Variants in MTMR8 observed in about 807,000 individuals in gnomAD.
MTMR8 encodes the protein myotubularin related protein 8.
In MTMR8, 65 loss-of-function variants were observed where a neutral mutation model predicts 39.3. The observed-to-expected ratio is 1.65, with a 90% CI of 1.35 to 2.03. The LOEUF is 2.03. MTMR8 is among the 30% of genes most tolerant of loss of function. The probability of loss-of-function intolerance (pLI) is 0.00; values close to 1 mark genes in which losing one functional copy is unlikely to be tolerated. For missense variants in MTMR8, 777 were observed against 538.9 expected (o/e 1.44, Z -4.37); for synonymous variants, 245 against 185.2 (o/e 1.32, Z -2.62).
chrX:64,286,401 C>T (rs1222102737), intron 12 of MTMR8, among the ~76,000 whole-genome samples: 1 of 112,077 alleles, frequency 8.9e-6, no homozygotes, highest in Non-Finnish European at 1.9e-5. Context: ...GAGCTGGTAC[C>T]ATTCCTTCTG....
At chrX:64,363,545 T>C (rs1923856096) in intron 1 of MTMR8, among the ~76,000 whole-genome samples, 1 of 112,333 alleles carries the variant, frequency 8.9e-6, no homozygotes, top group South Asian at 3.7e-4. Context: ...GATGCCTGTG[T>C]TATGGTTTCT....
chrX:64,389,684 A>G (rs928939214), intron 1 of MTMR8, among the ~76,000 whole-genome samples: 1 of 111,577 alleles, frequency 9.0e-6, no homozygotes, highest in African/African-American at 3.3e-5. Context: ...ACCTCCCATG[A>G]CTAATGTATA....
At chrX:64,354,626 T>C (rs768567624) in intron 4 of MTMR8, 151 bp downstream of exon 4, 35 of 524,725 alleles carry the variant, frequency 6.7e-5, no homozygotes, top group Admixed American at 3.1e-4. Context: ...GCACTGTAGG[T>C]ACTCAATAAA....
chrX:64,394,534 G>T (rs1206604871), intron 1 of MTMR8, among the ~76,000 whole-genome samples: 2 of 111,695 alleles, frequency 1.8e-5, no homozygotes, highest in Admixed American at 1.9e-4. Flanking sequence ...AATAACCACA[G>T]ACTAGTTGTG....
chrX:64,385,566 A>G (rs951331307), intron 1 of MTMR8, among the ~76,000 whole-genome samples: 10 of 112,010 alleles, frequency 8.9e-5, no homozygotes, highest in African/African-American at 3.2e-4. Flanking sequence ...AAGGCTTTAA[A>G]GGAAGAATGG....
intron 5 of MTMR8, among the ~76,000 whole-genome samples, chrX:64,349,074 C>T (rs1326666007): frequency 2.7e-5 from 3 of 111,411 alleles, no homozygotes; most frequent in Admixed American, 9.6e-5. Flanking sequence ...ATTCTATTCT[C>T]GATATATAAT....
chrX:64,355,600 T>G lies in MTMR8; in HGVS notation c.310+576A>C, dbSNP rs373621047. 1.7e-4 allele frequency among the ~76,000 whole-genome samples: 19 copies of G among 108,812 alleles called. No individual in the cohort carries two copies. The South Asian group carries it at 7.4e-3, about 42-fold the overall frequency. The allele number at this position is 108,812 out of a possible 115,157, so 94.5% of individuals were successfully genotyped here. A position where few individuals can be genotyped will look rare whatever the true frequency, so the allele number is the denominator to read the frequency against. On this transcript the variant is annotated intron_variant, in intron 3 of 13. Coordinates refer to ENST00000374852, the MANE Select transcript of MTMR8 (RefSeq NM_017677.4). ...TTACTCTGAGGGAAAAGGGGAAAAA[T>G]GGGAGAGAAAATGTAAGAGCATGAT...
chrX:64,268,893 T>A lies in MTMR8; in HGVS notation c.1759A>T (p.Thr587Ser), dbSNP rs968678202. The A allele has an allele frequency of 1.7e-6, 2 of 1,209,596 alleles. No homozygotes were observed. ...CGGAGGCCTCCTTCCCTGGATAGGG[T>A]GCCATTCTCCATCAGGGTATTCAGG... ...GDLNTLMENG[T>S]LSREGGLRAQ... Residue 587 changes from threonine to serine, a missense_variant, in exon 14 of 14, where the codon ACC becomes TCC. Physicochemically the swap from Thr to Ser is moderately conservative, Grantham distance 58. Coordinates refer to ENST00000374852, the MANE Select transcript of MTMR8 (RefSeq NM_017677.4).
chrX:64,348,801 G>C lies in MTMR8; in HGVS notation c.598-7C>G. ...TACAGCGGCAAATGGCAGCCTGTAA[G>C]GAAAAGGTGTGTCAGTTGAGTGATT... On this transcript the variant is annotated splice_region_variant and splice_polypyrimidine_tract_variant and intron_variant, in intron 5 of 13. Coordinates refer to ENST00000374852, the MANE Select transcript of MTMR8 (RefSeq NM_017677.4). The C allele has an allele frequency of 1.7e-6, 2 of 1,209,661 alleles. No homozygotes were observed. The highest frequency in any genetic ancestry group is 2.2e-6 in the Non-Finnish European group (2 of 894,143).
intron 1 of MTMR8, among the ~76,000 whole-genome samples, chrX:64,380,655 A>G (rs1279391166): frequency 2.7e-5 from 3 of 112,291 alleles, no homozygotes; most frequent in Non-Finnish European, 5.6e-5. Flanking sequence ...CAGGTTAGTT[A>G]CATATGTATA....
At chrX:64,319,836 G>A (rs1002336155) in intron 12 of MTMR8, among the ~76,000 whole-genome samples, 11 of 111,212 alleles carry the variant, frequency 9.9e-5, no homozygotes, top group African/African-American at 1.3e-4. Flanking sequence ...GTCAGGTAGC[G>A]TGATGCCTCC....
At chrX:64,320,352 G>A (rs1043353194) in intron 12 of MTMR8, among the ~76,000 whole-genome samples, 3 of 110,500 alleles carry the variant, frequency 2.7e-5, no homozygotes, top group African/African-American at 3.3e-5. Context: ...GCTTAGTGGC[G>A]GCCTTGGAGA....
chrX:64,360,610 A>G (rs1923754091), intron 1 of MTMR8, among the ~76,000 whole-genome samples: 1 of 111,457 alleles, frequency 9.0e-6, no homozygotes, highest in African/African-American at 3.2e-5. Context: ...TCCAACCACA[A>G]TGCAATAGCA....
intron 12 of MTMR8, among the ~76,000 whole-genome samples, chrX:64,298,246 CTT>C (rs1315162016): frequency 1.9e-5 from 2 of 104,370 alleles, no homozygotes; most frequent in Admixed American, 1.0e-4. Flanking sequence ...TTTGTATCCT[CTT>C]TTATTTCCTT....
chrX:64,337,900 G>A (rs1017322847), intron 8 of MTMR8, among the ~76,000 whole-genome samples: 4 of 111,608 alleles, frequency 3.6e-5, no homozygotes, highest in Admixed American at 1.9e-4. Flanking sequence ...AAAGATCTGG[G>A]CAGTTATTTA....
chrX:64,386,430 G>A (rs1924560103), intron 1 of MTMR8, among the ~76,000 whole-genome samples: 1 of 111,481 alleles, frequency 9.0e-6, no homozygotes, highest in South Asian at 3.8e-4. Context: ...AAAGCCAGAG[G>A]GACCAGTGTA....
intron 4 of MTMR8, among the ~76,000 whole-genome samples, chrX:64,352,537 T>A (rs1923512141): frequency 9.0e-6 from 1 of 111,566 alleles, no homozygotes; most frequent in Non-Finnish European, 1.9e-5. Flanking sequence ...ATCAAATACT[T>A]GATATCTGTT....
At chrX:64,309,071 C>T (rs1287913389) in intron 12 of MTMR8, among the ~76,000 whole-genome samples, 1 of 111,887 alleles carries the variant, frequency 8.9e-6, no homozygotes, top group East Asian at 2.8e-4. Flanking sequence ...TATTCTGATT[C>T]AATATTGTGT....
At chrX:64,364,080 G>A (rs1263263244) in intron 1 of MTMR8, among the ~76,000 whole-genome samples, 1 of 112,470 alleles carries the variant, frequency 8.9e-6, no homozygotes, top group Non-Finnish European at 1.9e-5. Context: ...AAACAAAGCT[G>A]CCAGGAAGCT....
Sources: gnomAD v4.1 joint callset for allele counts (sites outside exome capture counted in the v4.1 genomes callset) on GRCh38, gnomAD v4.1.1 for gene constraint, MANE v1.5 for transcripts, NCBI Gene and HGNC (gene_info 2026-07-23, HGNC 2026-07-21) for gene names.